The following VAT1L variants were observed in gnomAD, a reference collection of about 807,000 sequenced individuals.
VAT1L encodes the protein putative NADPH-dependent quinone oxidoreductase VAT1L.
Under a neutral mutation model 44.1 loss-of-function variants are expected in VAT1L, and 34 were observed. That is an observed-to-expected ratio of 0.77 (90% CI 0.59 to 1.03). The LOEUF is 1.03. Among genes scored for constraint, VAT1L ranks in the 50% least tolerant of loss-of-function variants. VAT1L has a pLI of 0.00. For synonymous variants in VAT1L, 253 were observed against 202.2 expected, an observed-to-expected ratio of 1.25 and a Z score of -2.13; for missense variants, 615 against 538.8, an observed-to-expected ratio of 1.14 and a Z score of -1.40.
At chr16:77,872,340 G>T (rs1011896428) in intron 4 of VAT1L, among the ~76,000 whole-genome samples, 1 of 152,136 alleles carries the variant, frequency 6.6e-6, no homozygotes, top group Admixed American at 6.5e-5. Context: ...CATGGTTGGT[G>T]TCCCAAAGCC....
chr16:77,838,911 A>G (rs1308032114), intron 3 of VAT1L, among the ~76,000 whole-genome samples: 1 of 149,738 alleles, frequency 6.7e-6, no homozygotes, highest in Admixed American at 6.7e-5. Flanking sequence ...TTCTTTCAGC[A>G]TCTGTCAAGT....
chr16:77,898,967 G>A (rs575606305), intron 7 of VAT1L, among the ~76,000 whole-genome samples: 1 of 152,130 alleles, frequency 6.6e-6, no homozygotes, highest in Admixed American at 6.6e-5. Flanking sequence ...AAAGTGCCAC[G>A]CTCCAGTTAG....
intron 1 of VAT1L, among the ~76,000 whole-genome samples, chr16:77,797,070 T>C (rs920807960): frequency 6.6e-6 from 1 of 152,012 alleles, no homozygotes; most frequent in African/African-American, 2.4e-5. Context: ...GATTTCACCA[T>C]TACATAGTAT....
chr16:77,918,943 A>C (rs1056262585), intron 7 of VAT1L, among the ~76,000 whole-genome samples: 3 of 152,216 alleles, frequency 2.0e-5, no homozygotes, highest in Non-Finnish European at 4.4e-5. Context: ...TAAGTTGCTC[A>C]GGAAGCAGGC....
At chr16:77,796,054 G>C (rs1273331716) in intron 1 of VAT1L, among the ~76,000 whole-genome samples, 1 of 152,048 alleles carries the variant, frequency 6.6e-6, no homozygotes, top group African/African-American at 2.4e-5. Context: ...TCGAATTCCT[G>C]ACCTCAGGTG....
chr16:77,918,382 T>C (rs1051833257), intron 7 of VAT1L, among the ~76,000 whole-genome samples: 2 of 152,194 alleles, frequency 1.3e-5, no homozygotes, highest in African/African-American at 4.8e-5. Flanking sequence ...CAAACACATA[T>C]ATCTTTCCTT....
chr16:77,956,434 A>T (rs1369943003), intron 7 of VAT1L, among the ~76,000 whole-genome samples: 1 of 152,162 alleles, frequency 6.6e-6, no homozygotes, highest in Non-Finnish European at 1.5e-5. Context: ...GGTCATGCAC[A>T]TGAGGTGCTT....
At chr16:77,903,720 G>A (rs79773503) in intron 7 of VAT1L, among the ~76,000 whole-genome samples, 11,786 of 150,098 alleles carry the variant, frequency 0.079, 601 homozygotes, top group South Asian at 0.17. Context: ...AAGTAATTGC[G>A]GTTTCTCTCA....
chr16:77,895,100 C>CCACACATACACACACACACACACACA (rs2017308572), intron 7 of VAT1L, among the ~76,000 whole-genome samples: 2 of 145,152 alleles, frequency 1.4e-5, no homozygotes, highest in African/African-American at 5.2e-5. Context: ...AGCCACTTGC[C>CCACACATACACACACACACACACACA]CACACACACA....
At chr16:77,939,157 G>C (rs902963730) in intron 7 of VAT1L, among the ~76,000 whole-genome samples, 1 of 152,190 alleles carries the variant, frequency 6.6e-6, no homozygotes. Context: ...AACAGAATTC[G>C]TGACGACCTC....
intron 1 of VAT1L, among the ~76,000 whole-genome samples, chr16:77,792,215 GAT>G (rs1002714750): frequency 6.9e-4 from 105 of 152,246 alleles, no homozygotes; most frequent in African/African-American, 2.5e-3. Context: ...AAACCAATGT[GAT>G]ATATGCTGCT....
At chr16:77,976,520 T>G (rs868306894) in intron 8 of VAT1L, among the ~76,000 whole-genome samples, 15 of 152,122 alleles carry the variant, frequency 9.9e-5, no homozygotes, top group Non-Finnish European at 1.8e-4. Context: ...GCCAAATTCC[T>G]GTTTGTCAGA....
chr16:77,826,384 A>G (rs1018460479), intron 3 of VAT1L, among the ~76,000 whole-genome samples: 10 of 152,210 alleles, frequency 6.6e-5, no homozygotes, highest in African/African-American at 2.4e-4. Flanking sequence ...TGGACTTGAG[A>G]TGGTTCCCAT....
intron 2 of VAT1L, among the ~76,000 whole-genome samples, chr16:77,824,162 G>A (rs2016491795): frequency 6.6e-6 from 1 of 152,240 alleles, no homozygotes. Context: ...TTTGCCAGGT[G>A]AAAGGTGGTT....
At chr16:77,922,650 G>A (rs547125672) in intron 7 of VAT1L, among the ~76,000 whole-genome samples, 2 of 152,260 alleles carry the variant, frequency 1.3e-5, no homozygotes, top group East Asian at 1.9e-4. Flanking sequence ...GGGAGAGGAC[G>A]GTATTAAAGT....
intron 3 of VAT1L, among the ~76,000 whole-genome samples, chr16:77,835,943 GAA>G (rs2016634436): frequency 6.6e-6 from 1 of 152,048 alleles, no homozygotes; most frequent in Non-Finnish European, 1.5e-5. Context: ...ATGTGACAGA[GAA>G]GAGAACAGAG....
chr16:77,895,460 C>T (rs2142471021), intron 7 of VAT1L, among the ~76,000 whole-genome samples: 1 of 152,200 alleles, frequency 6.6e-6, no homozygotes, highest in Middle Eastern at 3.4e-3. Context: ...CCAATACAAT[C>T]ACAAGGGCCT....
intron 7 of VAT1L, among the ~76,000 whole-genome samples, chr16:77,921,888 T>A (rs1449955543): frequency 1.3e-5 from 2 of 151,852 alleles, no homozygotes; most frequent in East Asian, 1.9e-4. Context: ...GGACTACAGG[T>A]GCATACCACT....
intron 1 of VAT1L, among the ~76,000 whole-genome samples, chr16:77,804,668 TACG>T (rs2016123671): frequency 6.6e-6 from 1 of 152,202 alleles, no homozygotes; most frequent in Non-Finnish European, 1.5e-5. Flanking sequence ...CCTGGGATTC[TACG>T]CTTTCCCCTC....
Sources: allele counts gnomAD v4.1 joint callset (sites outside exome capture counted in the v4.1 genomes callset), GRCh38; gene constraint gnomAD v4.1.1; transcripts MANE v1.5; gene names NCBI Gene and HGNC (gene_info 2026-07-23, HGNC 2026-07-21).